The following LRRFIP1 variants were observed in gnomAD, a reference collection of about 807,000 sequenced individuals.
The protein encoded by LRRFIP1 is LRR binding FLII interacting protein 1.
In LRRFIP1, 62 loss-of-function variants were observed where a neutral mutation model predicts 104.4. The ratio of observed to expected loss-of-function variants is 0.59; its 90% CI spans 0.48 to 0.73. The LOEUF (loss-of-function observed/expected upper bound fraction) is 0.73. Ranked by LOEUF, LRRFIP1 falls within the 30% of genes least tolerant of loss-of-function variation. LRRFIP1 has a pLI of 0.00. For synonymous variants in LRRFIP1, 300 were observed against 299.0 expected (o/e 1.00, Z -0.03); for missense variants, 796 against 824.5 (o/e 0.97, Z 0.42).
intron 1 of LRRFIP1, among the ~76,000 whole-genome samples, chr2:237,648,983 A>G (rs890446390): frequency 1.3e-5 from 2 of 151,900 alleles, no homozygotes; most frequent in African/African-American, 4.8e-5. Flanking sequence ...AGCTGCCTTG[A>G]AGGAGTTCCA....
At chr2:237,685,957 A>G (rs919336688) in intron 1 of LRRFIP1, among the ~76,000 whole-genome samples, 5 of 152,216 alleles carry the variant, frequency 3.3e-5, no homozygotes, top group African/African-American at 1.2e-4. Context: ...GTTGCAAATT[A>G]AAGTCTTTCC....
At chr2:237,749,692 T>C (rs1226995780) in intron 13 of LRRFIP1, among the ~76,000 whole-genome samples, 3 of 152,222 alleles carry the variant, frequency 2.0e-5, no homozygotes, top group African/African-American at 7.2e-5. Flanking sequence ...CAGACGGCTT[T>C]ACCTACTTTC....
intron 20 of LRRFIP1, 110 bp downstream of exon 20, chr2:237,770,102 A>C (rs1176714360): frequency 2.4e-6 from 2 of 841,042 alleles, no homozygotes; most frequent in African/African-American, 3.4e-5. Flanking sequence ...CATGTCTGAA[A>C]GTCTTTATCA....
At position 237,670,591 on chromosome 2, in the gene LRRFIP1, A is replaced by C. The variant is rs1042805595; in HGVS notation, c.97-37953A>C. Among the ~76,000 whole-genome samples the C allele has an allele frequency of 5.9e-5, 9 of 152,186 alleles. No individual in the cohort carries two copies. The South Asian group carries it at 1.3e-3, about 21-fold the overall frequency. On this transcript the variant is annotated intron_variant, in intron 1 of 23. Coordinates refer to ENST00000308482, the MANE Select transcript of LRRFIP1 (RefSeq NM_001137550.2). The stretch of plus-strand genomic sequence containing the variant: ...ATACAGACTTTGCAAGGCTGTTGAG[A>C]CTTACCTGCACTAAGACATAGAAAG...
In LRRFIP1 at chr2:237,772,681, T is replaced by G. The variant is rs2060755230; in HGVS notation, c.1628-185T>G. The G allele has an allele frequency of 5.0e-6, 3 of 599,934 alleles. No homozygotes were observed. In the Admixed American group the frequency reaches 9.1e-5, roughly 18 times the overall value. The allele number at this position is 599,934 out of a possible 1,614,324, so 37.2% of individuals were successfully genotyped here. A position where few individuals can be genotyped will look rare whatever the true frequency, so the allele number is the denominator to read the frequency against. On this transcript the variant is annotated intron_variant, in intron 21 of 23. Transcript: ENST00000308482. ...CCAAGCACAGGGGCGGAAGGCACTT[T>G]CCCTGGGTTCATGGGGAGAGAGTGC...
chr2:237,754,160 A>G (rs1420146036), intron 15 of LRRFIP1, among the ~76,000 whole-genome samples: 4 of 152,150 alleles, frequency 2.6e-5, no homozygotes, highest in Non-Finnish European at 4.4e-5. Context: ...ATTCATATGT[A>G]TTTTCTGATT....
In LRRFIP1 at chr2:237,691,765, G is replaced by A. The variant is rs1025591628; in HGVS notation, c.97-16779G>A. On this transcript the variant is annotated intron_variant, in intron 1 of 23. Transcript: ENST00000308482. This position sits in a 1 kb window ranked among gnomAD's most constrained non-coding sequence, Gnocchi z 5.4. Reference sequence around the variant, plus strand: ...CCTCCCCGGAGCGCCCGCTTCCCACGGCCCCTGCGGGTGGAGCTGCGGCCG... The same window carrying A: ...CCTCCCCGGAGCGCCCGCTTCCCACAGCCCCTGCGGGTGGAGCTGCGGCCG... Among the ~76,000 whole-genome samples, 1 of 151,984 alleles carries A rather than the reference G, an allele frequency of 6.6e-6. No individual in the cohort carries two copies. Among genetic ancestry groups the A allele is most frequent in the Non-Finnish European group, 1.5e-5 (1 of 67,928 alleles).
At chr2:237,634,881 C>T (rs1406247424) in intron 1 of LRRFIP1, among the ~76,000 whole-genome samples, 2 of 152,156 alleles carry the variant, frequency 1.3e-5, no homozygotes, top group South Asian at 2.1e-4. Flanking sequence ...TTAAACAAAG[C>T]AGATAATCTA....
At chr2:237,741,020 C>T (rs2095401105) in intron 11 of LRRFIP1, among the ~76,000 whole-genome samples, 1 of 152,214 alleles carries the variant, frequency 6.6e-6, no homozygotes, top group Non-Finnish European at 1.5e-5. Flanking sequence ...CCACTCTTGT[C>T]ACACATTTGG....
chr2:237,639,693 G>C (rs982229811), intron 1 of LRRFIP1, among the ~76,000 whole-genome samples: 1 of 152,160 alleles, frequency 6.6e-6, no homozygotes, highest in Non-Finnish European at 1.5e-5. Flanking sequence ...GAGATGAGGT[G>C]ATGACCACAT....
intron 1 of LRRFIP1, among the ~76,000 whole-genome samples, chr2:237,683,794 T>G (rs914501595): frequency 1.3e-5 from 2 of 152,262 alleles, no homozygotes; most frequent in African/African-American, 4.8e-5. Context: ...CCGTTCCTGA[T>G]GTTCATGTCT....
chr2:237,750,322 C>CTTTTTTTTTTTTTTTTTTTTTTTTTT (rs2058430117), intron 13 of LRRFIP1, among the ~76,000 whole-genome samples: 1 of 113,372 alleles, frequency 8.8e-6, no homozygotes, highest in African/African-American at 3.3e-5. Flanking sequence ...TCTTTTCTTT[C>CTTTTTTTTTTTTTTTTTTTTTTTTTT]TTTCTTTTTT....
At chr2:237,706,687 G>T (rs2093827307) in intron 1 of LRRFIP1, among the ~76,000 whole-genome samples, 1 of 152,158 alleles carries the variant, frequency 6.6e-6, no homozygotes, top group Admixed American at 6.5e-5. Context: ...GAGTGCAGTG[G>T]CACAATCACA....
intron 5 of LRRFIP1, 104 bp from the exon 6 acceptor site, chr2:237,720,668 G>A: frequency 1.0e-6 from 1 of 976,972 alleles, no homozygotes; most frequent in Non-Finnish European, 1.6e-6. Context: ...CCTCACTGCT[G>A]TGGGTTGGGG....
chr2:237,731,879 T>C (rs2095027587), intron 8 of LRRFIP1, among the ~76,000 whole-genome samples: 1 of 152,164 alleles, frequency 6.6e-6, no homozygotes, highest in South Asian at 2.1e-4. Flanking sequence ...CGTGATTTGC[T>C]GCCCGAGGGC....
At position 237,749,226 on chromosome 2, in the gene LRRFIP1, G is replaced by A. The variant is rs529678379; in HGVS notation, c.697G>A (p.Ala233Thr). 1 of 1,613,662 alleles carries A rather than the reference G, an allele frequency of 6.2e-7. No individual in the cohort carries two copies. The highest frequency in any genetic ancestry group is 1.1e-5 in the South Asian group (1 of 91,018). The part of the protein sequence containing the change: ...KGSRNMPGLS[A>T]ATLASLGGTS... The stretch of plus-strand genomic sequence containing the variant: ...GTCTCGTAACATGCCGGGCCTGTCT[G>A]CAGCCACGCTGGCCTCTCTGGGTGG... Residue 233 changes from alanine to threonine, a missense_variant, in exon 13 of 24, where the codon GCA (alanine) becomes ACA (threonine). Transcript: ENST00000308482.
chr2:237,713,315 G>A (rs2094189829), intron 2 of LRRFIP1, among the ~76,000 whole-genome samples: 1 of 152,164 alleles, frequency 6.6e-6, no homozygotes, highest in South Asian at 2.1e-4. Flanking sequence ...CTGCGTTCCG[G>A]GGTCTGTTTA....
At chr2:237,719,007 AG>A (rs1416685185) in intron 4 of LRRFIP1, among the ~76,000 whole-genome samples, 2 of 152,216 alleles carry the variant, frequency 1.3e-5, no homozygotes, top group African/African-American at 4.8e-5. Context: ...CCACTGAGAA[AG>A]AAAAAATGCT....
chr2:237,769,729 C>A, intron 19 of LRRFIP1: 1 of 545,710 alleles, frequency 1.8e-6, no homozygotes, highest in Non-Finnish European at 3.3e-6. Context: ...GATGCTGCCC[C>A]TGACGTGAAG....
Sources: gnomAD v4.1 joint callset for allele counts (sites outside exome capture counted in the v4.1 genomes callset) on GRCh38, gnomAD v4.1.1 for gene constraint, Gnocchi (gnomAD v3.1) non-coding constraint, MANE v1.5 for transcripts, NCBI Gene and HGNC (gene_info 2026-07-23, HGNC 2026-07-21) for gene names.